The following UBXN11 variants were observed in gnomAD, a reference collection of about 807,000 sequenced individuals.
UBXN11 encodes UBX domain protein 11.
In UBXN11, 47 loss-of-function variants were observed where a neutral mutation model predicts 62.8. The observed-to-expected ratio is 0.75, with a 90% CI of 0.59 to 0.95. The LOEUF (loss-of-function observed/expected upper bound fraction) is 0.95. Among genes scored for constraint, UBXN11 ranks in the 40% least tolerant of loss-of-function variants. The pLI is 0.00. For missense variants in UBXN11, 638 were observed against 661.7 expected, an observed-to-expected ratio of 0.96 and a Z score of 0.39; for synonymous variants, 294 against 267.0, an observed-to-expected ratio of 1.10 and a Z score of -0.99.
At chr1:26,309,619 C>T (rs2073720104), upstream of UBXN11, among the ~76,000 whole-genome samples, 1 of 152,096 alleles carries the variant, frequency 6.6e-6, no homozygotes, top group Admixed American at 6.5e-5. Flanking sequence ...ACTGGAGAAA[C>T]TTGGAAAATA....
At chr1:26,315,960 C>CCTTTT (rs548322541) in intron 1 of UBXN11, among the ~76,000 whole-genome samples, 2 of 114,538 alleles carry the variant, frequency 1.7e-5, no homozygotes, top group African/African-American at 3.4e-5. Flanking sequence ...GTTTCCTGGC[C>CCTTTT]TTTTTTTTTT....
In UBXN11 at chr1:26,282,945, G is replaced by T. The variant is rs752572937; in HGVS notation, c.1078-8C>A. The T allele has an allele frequency of 2.3e-5, 37 of 1,614,056 alleles. No individual in the cohort carries two copies. Among genetic ancestry groups the T allele is most frequent in the Non-Finnish European group, 2.7e-5 (32 of 1,180,028 alleles). On this transcript the variant is annotated splice_polypyrimidine_tract_variant and splice_region_variant and intron_variant, in intron 12 of 14. Coordinates refer to ENST00000374222, the MANE Select transcript of UBXN11 (RefSeq NM_001389556.1). Reference sequence around the variant, plus strand: ...AGGCAATGGGCAGCAGTTCTGGAAGGTATCAGTGGAGGGTGGACAGAGCCC... The same window carrying T: ...AGGCAATGGGCAGCAGTTCTGGAAGTTATCAGTGGAGGGTGGACAGAGCCC...
intron 12 of UBXN11, 109 bp downstream of exon 12, chr1:26,284,033 C>G: frequency 8.9e-7 from 1 of 1,127,344 alleles, no homozygotes; most frequent in Non-Finnish European, 1.3e-6. Flanking sequence ...AGGGACTCAT[C>G]AGGTGCCTCA....
chr1:26,289,314 C>T lies in UBXN11; in HGVS notation c.560-3277G>A, dbSNP rs960001249. Among the ~76,000 whole-genome samples, 9 of 152,236 alleles carry T rather than the reference C, an allele frequency of 5.9e-5. No homozygotes were observed. In the East Asian group the frequency reaches 1.5e-3, roughly 26 times the overall value. On this transcript the variant is annotated intron_variant, in intron 8 of 14. Transcript: ENST00000374222. ...GTTGTCCCTAGCACCGCCTACTCATCGCTGGGCTCAAGCTGTGCCCACTCA... is the reference window on the plus strand; with the variant it reads ...GTTGTCCCTAGCACCGCCTACTCATTGCTGGGCTCAAGCTGTGCCCACTCA...
At chr1:26,312,227 C>G (rs1269844391) in intron 1 of UBXN11, among the ~76,000 whole-genome samples, 1 of 152,156 alleles carries the variant, frequency 6.6e-6, no homozygotes, top group Non-Finnish European at 1.5e-5. Flanking sequence ...CTAAAATCCA[C>G]TGTCTAAAAG....
At chr1:26,308,166 C>A (rs566468041), upstream of UBXN11, among the ~76,000 whole-genome samples, 1 of 151,376 alleles carries the variant, frequency 6.6e-6, no homozygotes, top group South Asian at 2.1e-4. Flanking sequence ...CTCAGGAAGG[C>A]TGAGGCAGGA....
intron 1 of UBXN11, among the ~76,000 whole-genome samples, chr1:26,304,885 C>A (rs1440465328): frequency 6.8e-6 from 1 of 147,950 alleles, no homozygotes; most frequent in East Asian, 2.1e-4. Context: ...GCATGTGTAT[C>A]CCCCCTGCCT....
At chr1:26,283,371 T>C (rs990404784) in intron 12 of UBXN11, among the ~76,000 whole-genome samples, 3 of 152,178 alleles carry the variant, frequency 2.0e-5, no homozygotes, top group African/African-American at 7.2e-5. Context: ...GCGACACATT[T>C]GGGCAACTGC....
rs1557689224 is a variant in UBXN11 at position 26,301,644 on chromosome 1, G to C, written c.100+50C>G. 9.9e-6 allele frequency: 16 copies of C among 1,609,152 alleles called. No individual in the cohort carries two copies. The East Asian group carries it at 3.6e-4, about 36-fold the overall frequency. ...TCTCTCCATCGGTCCAACTGTAGGA[G>C]GTGCAAGCACATGAGAGGCGAAGAG... On this transcript the variant is annotated intron_variant, in intron 3 of 14. Coordinates refer to ENST00000374222, the MANE Select transcript of UBXN11 (RefSeq NM_001389556.1).
intron 10 of UBXN11, chr1:26,284,693 C>T (rs926382759): frequency 7.5e-7 from 1 of 1,341,132 alleles, no homozygotes; most frequent in Admixed American, 3.7e-5. Context: ...CCCATCCACG[C>T]CAGCTGAAGC....
chr1:26,315,959 C>CTT (rs1415230325), intron 1 of UBXN11, among the ~76,000 whole-genome samples: 15 of 43,822 alleles, frequency 3.4e-4, no homozygotes, highest in African/African-American at 6.1e-4. Context: ...TGTTTCCTGG[C>CTT]CTTTTTTTTT....
At chr1:26,313,773 A>ATT (rs776997209) in intron 1 of UBXN11, among the ~76,000 whole-genome samples, 1 of 130,102 alleles carries the variant, frequency 7.7e-6, no homozygotes, top group Non-Finnish European at 1.6e-5. Context: ...CTTTACTATA[A>ATT]TTTTTTTTCT....
Position 26,317,814 on chromosome 1 carries a change from C to G in UBXN11, c.-149+233G>C, listed in dbSNP as rs999781099. 26 of 566,698 alleles carry G rather than the reference C, an allele frequency of 4.6e-5. No individual in the cohort carries two copies. The Admixed American group carries it at 8.0e-4, about 17-fold the overall frequency. The allele number at this position is 566,698 out of a possible 1,614,324, so 35.1% of individuals were successfully genotyped here. On this transcript the variant is annotated intron_variant, in intron 1 of 14. Transcript: ENST00000374217. Reference sequence around the variant, plus strand: ...GCTCCCCCAGCCAGGGCCTTAGAACCTAGAGCCTGGTATTATCCACCCCCA... The same window carrying G: ...GCTCCCCCAGCCAGGGCCTTAGAACGTAGAGCCTGGTATTATCCACCCCCA...
chr1:26,300,850 C>G, intron 4 of UBXN11, 76 bp downstream of exon 4: 9 of 1,604,898 alleles, frequency 5.6e-6, no homozygotes, highest in Non-Finnish European at 7.7e-6. Flanking sequence ...AAGGGCCATG[C>G]CTCCCTAGGC....
chr1:26,318,165 C>G, exon 1 of UBXN11: 1 of 1,081,184 alleles, frequency 9.2e-7, no homozygotes, highest in Non-Finnish European at 1.4e-6. Context: ...GAGACCCAGC[C>G]TTCTCTCCTG....
Position 26,285,524 on chromosome 1 carries a change from T to C in UBXN11, c.792A>G (p.Ile264Met). The C allele has an allele frequency of 6.3e-7, 1 of 1,594,650 alleles. No individual in the cohort carries two copies. Among genetic ancestry groups the C allele is most frequent in the Non-Finnish European group, 8.6e-7 (1 of 1,166,236 alleles). ...DPSTQRCLRD[I>M]LDGFFPSELQ... ...GCTCTGAGGGAAAGAAGCCATCCAATATGTCTCGGAGGCAGCGCTGCAAGG... is the reference window on the plus strand; with the variant it reads ...GCTCTGAGGGAAAGAAGCCATCCAACATGTCTCGGAGGCAGCGCTGCAAGG... Residue 264 changes from isoleucine (I) to methionine (M), a missense_variant, in exon 10 of 15, where the codon ATA (isoleucine) becomes ATG (methionine). Transcript: ENST00000374222.
At position 26,282,485 on chromosome 1, in the gene UBXN11, T is replaced by C; in HGVS notation, c.1377A>G (p.Ala459=). ...YQDDTLTLQA[A]GLVPKAALLL... is the part of the protein sequence containing the mutation. ...GCAGTGCTGCTTTGGGCACAAGGCCTGCAGCCTGCAGCGTGAGTGTATCGT... is the reference window on the plus strand; with the variant it reads ...GCAGTGCTGCTTTGGGCACAAGGCCCGCAGCCTGCAGCGTGAGTGTATCGT... Residue 459 remains alanine, a synonymous_variant, in exon 15 of 15, where the codon GCA becomes GCG. Transcript: ENST00000374222. 6.2e-7 allele frequency: 1 copy of C among 1,607,492 alleles called. No homozygotes were observed. The highest frequency in any genetic ancestry group is 8.5e-7 in the Non-Finnish European group (1 of 1,176,774).
Position 26,301,704 on chromosome 1 carries a change from G to T in UBXN11, c.90C>A (p.Ile30=), listed in dbSNP as rs12078224. The T allele has an allele frequency of 1.2e-6, 2 of 1,614,008 alleles. No homozygotes were observed. Among genetic ancestry groups the T allele is most frequent in the Non-Finnish European group, 8.5e-7 (1 of 1,179,938 alleles). Residue 30 remains isoleucine, a synonymous_variant, in exon 3 of 15, where the codon ATC becomes ATA. Transcript: ENST00000374222. ...PMNPGRRGIR[I]YGDEDEVDML... ...GCGGGGCACACTTACCATCTCCATAGATGCGGATTCCTCGCCTCCTGGGAA... is the reference window on the plus strand; with the variant it reads ...GCGGGGCACACTTACCATCTCCATATATGCGGATTCCTCGCCTCCTGGGAA...
At chr1:26,316,041 C>T (rs1410545370) in intron 1 of UBXN11, among the ~76,000 whole-genome samples, 1 of 146,566 alleles carries the variant, frequency 6.8e-6, no homozygotes, top group Non-Finnish European at 1.5e-5. Flanking sequence ...CTCATTGCAG[C>T]CTGGGCCTCC....
Sources: gnomAD v4.1 joint callset for allele counts (sites outside exome capture counted in the v4.1 genomes callset) on GRCh38, gnomAD v4.1.1 for gene constraint, MANE v1.5 for transcripts, NCBI Gene and HGNC (gene_info 2026-07-23, HGNC 2026-07-21) for gene names.